The following EXOC6B variants were observed in gnomAD, a reference collection of about 807,000 sequenced individuals.
EXOC6B encodes exocyst complex component 6B.
Under a neutral mutation model 113.5 loss-of-function variants are expected in EXOC6B, and 54 were observed. That is an observed-to-expected ratio of 0.48 (90% CI 0.38 to 0.60). EXOC6B has a LOEUF of 0.60. Among genes scored for constraint, EXOC6B ranks in the 20% least tolerant of loss-of-function variants. The probability of loss-of-function intolerance (pLI) is 0.00; values close to 1 mark genes in which losing one functional copy is unlikely to be tolerated. For synonymous variants in EXOC6B, 357 were observed against 339.0 expected (o/e 1.05, Z -0.58); for missense variants, 797 against 977.5 (o/e 0.82, Z 2.46).
chr2:72,630,062 G>C (rs886133582), intron 6 of EXOC6B, among the ~76,000 whole-genome samples: 1 of 152,122 alleles, frequency 6.6e-6, no homozygotes, highest in Non-Finnish European at 1.5e-5. Context: ...TAGGCAGCTT[G>C]CCATGAGTAG....
intron 6 of EXOC6B, among the ~76,000 whole-genome samples, chr2:72,604,830 C>A (rs1670649135): frequency 6.6e-6 from 1 of 152,190 alleles, no homozygotes; most frequent in Non-Finnish European, 1.5e-5. Flanking sequence ...CCAGCTTTTA[C>A]ACAAATTATT....
intron 6 of EXOC6B, among the ~76,000 whole-genome samples, chr2:72,680,647 G>T (rs1365565940): frequency 3.3e-5 from 5 of 151,958 alleles, no homozygotes; most frequent in Admixed American, 2.0e-4. Context: ...GCTGAGCCAG[G>T]AGAATCACTT....
intron 20 of EXOC6B, among the ~76,000 whole-genome samples, chr2:72,189,778 CT>C (rs1678697204): frequency 6.8e-6 from 1 of 146,500 alleles, no homozygotes; most frequent in Non-Finnish European, 1.5e-5. Flanking sequence ...TTCTTTTCTC[CT>C]TTCCTTTCCT....
At chr2:72,784,933 C>G (rs963741208) in intron 1 of EXOC6B, among the ~76,000 whole-genome samples, 1 of 152,100 alleles carries the variant, frequency 6.6e-6, no homozygotes, top group East Asian at 1.9e-4. Context: ...AAGGCAACAC[C>G]CTCCCACCTA....
At chr2:72,180,493 G>A (rs1325605947) in intron 21 of EXOC6B, among the ~76,000 whole-genome samples, 2 of 152,232 alleles carry the variant, frequency 1.3e-5, no homozygotes, top group Non-Finnish European at 2.9e-5. Flanking sequence ...GCTAGTTCCA[G>A]TGTTAGACAA....
At chr2:72,773,192 T>C (rs1413957083) in intron 1 of EXOC6B, among the ~76,000 whole-genome samples, 2 of 138,734 alleles carry the variant, frequency 1.4e-5, no homozygotes, top group East Asian at 4.5e-4. Context: ...AGTGGTGCAA[T>C]CATGACTCAC....
At chr2:72,295,861 AAC>A (rs1686098562) in intron 20 of EXOC6B, among the ~76,000 whole-genome samples, 1 of 152,202 alleles carries the variant, frequency 6.6e-6, no homozygotes, top group Non-Finnish European at 1.5e-5. Flanking sequence ...AGAAGAGAAA[AAC>A]AGACTTAAAA....
At chr2:72,358,492 G>A (rs893287615) in intron 19 of EXOC6B, among the ~76,000 whole-genome samples, 1 of 151,968 alleles carries the variant, frequency 6.6e-6, no homozygotes, top group Non-Finnish European at 1.5e-5. Context: ...AACAATTACT[G>A]AGCATTTACA....
chr2:72,795,194 A>T (rs1432305064), intron 1 of EXOC6B, among the ~76,000 whole-genome samples: 3 of 152,182 alleles, frequency 2.0e-5, no homozygotes, highest in African/African-American at 4.8e-5. Context: ...CCAGGGCTAG[A>T]CTGAAAAGGC....
At chr2:72,476,243 C>T (rs1372432754) in intron 17 of EXOC6B, among the ~76,000 whole-genome samples, 2 of 152,206 alleles carry the variant, frequency 1.3e-5, no homozygotes, top group Non-Finnish European at 2.9e-5. Context: ...ACCCTTTCCT[C>T]GTATTAAGGA....
At chr2:72,713,829 C>T (rs1679425469) in intron 6 of EXOC6B, among the ~76,000 whole-genome samples, 1 of 152,138 alleles carries the variant, frequency 6.6e-6, no homozygotes, top group African/African-American at 2.4e-5. Flanking sequence ...TCTTTCTAGG[C>T]TATATGATAG....
chr2:72,436,699 G>T (rs1482618021), intron 18 of EXOC6B, among the ~76,000 whole-genome samples: 1 of 151,922 alleles, frequency 6.6e-6, no homozygotes, highest in African/African-American at 2.4e-5. Context: ...TTCGGCTAAT[G>T]ATTCTTGTGT....
chr2:72,630,026 C>G (rs1363085943), intron 6 of EXOC6B, among the ~76,000 whole-genome samples: 1 of 152,096 alleles, frequency 6.6e-6, no homozygotes, highest in Admixed American at 6.5e-5. Context: ...TCTTCTTGTC[C>G]TTAATACTCA....
At chr2:72,401,580 T>TATAC (rs1558630875) in intron 18 of EXOC6B, among the ~76,000 whole-genome samples, 1 of 19,538 alleles carries the variant, frequency 5.1e-5, no homozygotes, top group Non-Finnish European at 8.2e-5. Flanking sequence ...TATATATATA[T>TATAC]ACATATATAT....
chr2:72,453,577 C>A (rs1697034884), intron 18 of EXOC6B, among the ~76,000 whole-genome samples: 1 of 152,052 alleles, frequency 6.6e-6, no homozygotes, highest in Non-Finnish European at 1.5e-5. Context: ...AAGTGCTTTG[C>A]AAAGTTATTA....
intron 20 of EXOC6B, among the ~76,000 whole-genome samples, chr2:72,233,072 A>C (rs1045391116): frequency 4.0e-5 from 6 of 148,750 alleles, no homozygotes; most frequent in Admixed American, 6.7e-5. Context: ...ACTCCGTCCC[A>C]AAAAAAAAAG....
At chr2:72,473,197 G>C (rs191446674) in intron 17 of EXOC6B, among the ~76,000 whole-genome samples, 1 of 152,046 alleles carries the variant, frequency 6.6e-6, no homozygotes, top group Non-Finnish European at 1.5e-5. Flanking sequence ...AAGTCCTTTC[G>C]GTCTAAAGTC....
At chr2:72,569,851 A>T (rs1394075638) in intron 7 of EXOC6B, among the ~76,000 whole-genome samples, 1 of 152,194 alleles carries the variant, frequency 6.6e-6, no homozygotes, top group Non-Finnish European at 1.5e-5. Context: ...TGACATAATT[A>T]TTGTCACTAT....
chr2:72,526,549 T>C (rs559256788), intron 8 of EXOC6B, among the ~76,000 whole-genome samples: 3 of 152,082 alleles, frequency 2.0e-5, no homozygotes, highest in African/African-American at 7.2e-5. Context: ...CACACAAAAA[T>C]AGCCTTTTGT....
Sources: gnomAD v4.1 joint callset for allele counts (sites outside exome capture counted in the v4.1 genomes callset) on GRCh38, gnomAD v4.1.1 for gene constraint, MANE v1.5 for transcripts, NCBI Gene and HGNC (gene_info 2026-07-23, HGNC 2026-07-21) for gene names.